KIF5C: variants seen among roughly 807,000 people sequenced by gnomAD.
KIF5C encodes kinesin heavy chain isoform 5C.
In KIF5C, 18 loss-of-function variants were observed where a neutral mutation model predicts 125.2. The observed-to-expected ratio is 0.14, with a 90% CI of 0.10 to 0.21. The LOEUF (loss-of-function observed/expected upper bound fraction) is 0.21, where lower values mean the gene tolerates loss of function less well. KIF5C is among the 10% of genes least tolerant of loss of function. The pLI is 1.00. For synonymous variants in KIF5C, 405 were observed against 434.0 expected, an observed-to-expected ratio of 0.93 and a Z score of 0.83; for missense variants, 780 against 1,183.8, an observed-to-expected ratio of 0.66 and a Z score of 5.01.
At chr2:148,885,801 G>A (rs1237679607) in intron 1 of KIF5C, 5 of 152,188 alleles carry the variant, frequency 3.3e-5, no homozygotes, top group Non-Finnish European at 7.3e-5. Flanking sequence ...TGCAGGGTAT[G>A]TTCTTAAGAG....
intron 1 of KIF5C, among the ~76,000 whole-genome samples, chr2:148,902,607 G>A (rs897741348): frequency 2.6e-5 from 4 of 152,182 alleles, no homozygotes; most frequent in African/African-American, 9.7e-5. Flanking sequence ...ATGAGCCACT[G>A]CCCTCGGCCC....
At chr2:148,908,507 A>AGT (rs1236702759) in intron 1 of KIF5C, among the ~76,000 whole-genome samples, 49 of 152,216 alleles carry the variant, frequency 3.2e-4, no homozygotes, top group African/African-American at 1.1e-3. Context: ...ACCTTAGCGT[A>AGT]GTAGGAGAGG....
At chr2:148,978,832 C>A (rs1035199905) in intron 12 of KIF5C, 90 bp from the exon 13 acceptor site, 2 of 1,442,046 alleles carry the variant, frequency 1.4e-6, no homozygotes, top group Non-Finnish European at 1.8e-6. Flanking sequence ...TTCTTATCAG[C>A]AAGCTTATGG....
chr2:148,961,902 G>A, intron 10 of KIF5C, 69 bp from the exon 11 acceptor site: 1 of 1,540,584 alleles, frequency 6.5e-7, no homozygotes, highest in Non-Finnish European at 8.7e-7. Flanking sequence ...AGGAATCTTG[G>A]GCTTAATCAT....
At chr2:148,936,242 C>T (rs931940927) in intron 3 of KIF5C, among the ~76,000 whole-genome samples, 1 of 152,204 alleles carries the variant, frequency 6.6e-6, no homozygotes, top group Non-Finnish European at 1.5e-5. Context: ...AAGACTGCAC[C>T]ACTGCACTGC....
In KIF5C at chr2:148,980,879, T is replaced by G. The variant is rs553126497; in HGVS notation, c.1363-476T>G. Among the ~76,000 whole-genome samples the G allele has an allele frequency of 2.0e-5, 3 of 152,078 alleles. No homozygotes were observed. In the East Asian group the frequency reaches 5.8e-4, roughly 30 times the overall value. ...CACCACCACACCCAGCTATTTTTTT[T>G]TTGTATTTTTAGTAGAGATGGGGTT... On this transcript the variant is annotated intron_variant, in intron 13 of 25. Coordinates refer to ENST00000435030, the MANE Select transcript of KIF5C (RefSeq NM_004522.3).
intron 3 of KIF5C, among the ~76,000 whole-genome samples, chr2:148,931,929 A>G (rs1224132630): frequency 6.6e-6 from 1 of 152,228 alleles, no homozygotes; most frequent in Non-Finnish European, 1.5e-5. Context: ...TGCAGATCAC[A>G]TACTTGTGCC....
rs557659782 is a variant in KIF5C, at chr2:148,927,299, C to T, written c.218-1982C>T. Among the ~76,000 whole-genome samples, 3 of 152,250 alleles carry T rather than the reference C, an allele frequency of 2.0e-5. No homozygotes were observed. In the South Asian group the frequency reaches 6.2e-4, roughly 32 times the overall value. On this transcript the variant is annotated intron_variant, in intron 2 of 25. Coordinates refer to ENST00000435030, the MANE Select transcript of KIF5C (RefSeq NM_004522.3). ...CTCTGAGCTGTTTCCTTGGGTGTGGCCGGTTGCTCAGTACCACCTCCCTGG... is the reference window on the plus strand; with the variant it reads ...CTCTGAGCTGTTTCCTTGGGTGTGGTCGGTTGCTCAGTACCACCTCCCTGG...
At chr2:148,913,700 G>A (rs906497011) in intron 1 of KIF5C, among the ~76,000 whole-genome samples, 2 of 152,106 alleles carry the variant, frequency 1.3e-5, no homozygotes, top group South Asian at 2.1e-4. Flanking sequence ...TTTGTCGAGC[G>A]GCAGTTTGAC....
At chr2:148,893,263 C>T (rs1300939039) in intron 1 of KIF5C, among the ~76,000 whole-genome samples, 2 of 152,190 alleles carry the variant, frequency 1.3e-5, no homozygotes, top group African/African-American at 4.8e-5. Context: ...TTGCTAAACT[C>T]TTCTTTCCAA....
rs1269897120 is a variant in KIF5C at position 149,025,119 on chromosome 2, C to T, written c.*2049C>T. ...CAGGGTGATTTTTCCCTGGGTACCC[C>T]GTTTCTACTTCTAAAGAATTGCTTG... On this transcript the variant is annotated 3_prime_UTR_variant, in exon 26 of 26. Coordinates refer to ENST00000435030, the MANE Select transcript of KIF5C (RefSeq NM_004522.3). 6.6e-6 allele frequency: 1 copy of T among 152,564 alleles called. No individual in the cohort carries two copies. The highest frequency in any genetic ancestry group is 1.5e-5 in the Non-Finnish European group (1 of 68,024). 9.5% of individuals were successfully genotyped at this position (152,564 alleles called of 1,614,324 possible). A position where few individuals can be genotyped will look rare whatever the true frequency, so the allele number is the denominator to read the frequency against.
chr2:148,974,789 A>G (rs1681017942), intron 12 of KIF5C, among the ~76,000 whole-genome samples: 1 of 152,206 alleles, frequency 6.6e-6, no homozygotes, highest in South Asian at 2.1e-4. Context: ...CAATGGGCTC[A>G]TTTTTAGTAA....
intron 17 of KIF5C, 131 bp downstream of exon 17, chr2:148,994,669 C>G: frequency 1.8e-6 from 2 of 1,103,634 alleles, no homozygotes; most frequent in Non-Finnish European, 2.4e-6. Context: ...AAAACCATAA[C>G]TAGAAAAAAA....
rs1681202951 is a variant in KIF5C, at chr2:148,876,672, G to C, written c.126+929G>C. On this transcript the variant is annotated intron_variant, in intron 1 of 25. Coordinates refer to ENST00000435030, the MANE Select transcript of KIF5C (RefSeq NM_004522.3). This position sits in a 1 kb window ranked among gnomAD's most constrained non-coding sequence, Gnocchi z 4.7. Reference sequence around the variant, plus strand: ...GCAGCTGGGGCTGCTGGTAGGGGGAGGGAACACCAATGGATTGTAGTTCTT... The same window carrying C: ...GCAGCTGGGGCTGCTGGTAGGGGGACGGAACACCAATGGATTGTAGTTCTT... Among the ~76,000 whole-genome samples the C allele has an allele frequency of 6.6e-6, 1 of 152,114 alleles. No individual in the cohort carries two copies. The highest frequency in any genetic ancestry group is 2.1e-4 in the South Asian group (1 of 4,822).
intron 10 of KIF5C, among the ~76,000 whole-genome samples, chr2:148,958,554 T>C (rs1682851981): frequency 6.6e-6 from 1 of 152,188 alleles, no homozygotes; most frequent in African/African-American, 2.4e-5. Flanking sequence ...GTAAGTCCTT[T>C]GTCAGGTATA....
At chr2:148,923,850 T>C (rs1681887655) in intron 2 of KIF5C, among the ~76,000 whole-genome samples, 2 of 152,246 alleles carry the variant, frequency 1.3e-5, no homozygotes, top group African/African-American at 2.4e-5. Context: ...CTAAAGAAGT[T>C]TGGGCCTCTT....
At chr2:148,944,476 C>T (rs1430387286) in intron 7 of KIF5C, among the ~76,000 whole-genome samples, 1 of 152,146 alleles carries the variant, frequency 6.6e-6, no homozygotes, top group Non-Finnish European at 1.5e-5. Flanking sequence ...AAGTGTCCTT[C>T]CTTTTTAAGG....
intron 11 of KIF5C, among the ~76,000 whole-genome samples, chr2:148,968,043 A>G (rs188997688): frequency 1.3e-4 from 20 of 152,228 alleles, no homozygotes; most frequent in African/African-American, 4.6e-4. Flanking sequence ...TGATACTTTG[A>G]ATTTTGCACT....
chr2:149,009,869 C>T (rs1309244580), intron 23 of KIF5C, among the ~76,000 whole-genome samples: 1 of 152,176 alleles, frequency 6.6e-6, no homozygotes, highest in Admixed American at 6.5e-5. Context: ...GGAGGTAAAT[C>T]CTGCCTCAGA....
Sources: gnomAD v4.1 joint callset for allele counts (sites outside exome capture counted in the v4.1 genomes callset) on GRCh38, gnomAD v4.1.1 for gene constraint, Gnocchi (gnomAD v3.1) non-coding constraint, MANE v1.5 for transcripts, NCBI Gene and HGNC (gene_info 2026-07-23, HGNC 2026-07-21) for gene names.